Variants in ASIC2 observed in about 807,000 individuals in gnomAD.
ASIC2 encodes acid sensing ion channel subunit 2.
A neutral mutation model predicts 57.3 loss-of-function variants in ASIC2; 25 were observed. That is an observed-to-expected ratio of 0.44 (90% CI 0.32 to 0.61). The LOEUF is 0.61. Among genes scored for constraint, ASIC2 ranks in the 20% least tolerant of loss-of-function variants. ASIC2 has a pLI of 0.06. For missense variants in ASIC2, 641 were observed against 738.1 expected, an observed-to-expected ratio of 0.87 and a Z score of 1.52; for synonymous variants, 319 against 307.5, an observed-to-expected ratio of 1.04 and a Z score of -0.39.
chr17:33,429,871 G>A (rs1038910155), intron 1 of ASIC2, among the ~76,000 whole-genome samples: 4 of 152,170 alleles, frequency 2.6e-5, no homozygotes, highest in African/African-American at 9.7e-5. Context: ...ATGGCTAAGG[G>A]GGGTGGCCCA....
At chr17:33,146,189 C>G (rs184156854) in intron 1 of ASIC2, among the ~76,000 whole-genome samples, 1 of 152,100 alleles carries the variant, frequency 6.6e-6, no homozygotes, top group Non-Finnish European at 1.5e-5. Context: ...TGGAAGTCAG[C>G]AGAATGAGGA....
At chr17:33,125,398 C>A (rs995780338) in intron 1 of ASIC2, among the ~76,000 whole-genome samples, 1 of 152,226 alleles carries the variant, frequency 6.6e-6, no homozygotes, top group Non-Finnish European at 1.5e-5. Context: ...TCCTGGGAGA[C>A]TAGAATCCCA....
chr17:33,441,412 C>T (rs1428547487), intron 1 of ASIC2, among the ~76,000 whole-genome samples: 1 of 152,164 alleles, frequency 6.6e-6, no homozygotes, highest in African/African-American at 2.4e-5. Flanking sequence ...AAGATTTTCT[C>T]CCATAAAAAT....
chr17:33,841,486 A>C (rs1166863889), intron 1 of ASIC2, among the ~76,000 whole-genome samples: 1 of 152,228 alleles, frequency 6.6e-6, no homozygotes, highest in Non-Finnish European at 1.5e-5. Flanking sequence ...AATTACAATG[A>C]GTGCACATCC....
At chr17:34,155,219 G>A (rs184513980) in intron 1 of ASIC2, among the ~76,000 whole-genome samples, 5 of 152,120 alleles carry the variant, frequency 3.3e-5, no homozygotes, top group Admixed American at 6.5e-5. Context: ...CAAGGCAGCC[G>A]GGACTGGTTC....
chr17:33,464,685 CTCTATA>C (rs1197238417), intron 1 of ASIC2, among the ~76,000 whole-genome samples: 8 of 104,670 alleles, frequency 7.6e-5, no homozygotes, highest in African/African-American at 2.3e-4. Context: ...CTCTCTCTCT[CTCTATA>C]TATATATATA....
intron 1 of ASIC2, among the ~76,000 whole-genome samples, chr17:34,138,892 G>GA (rs1291838959): frequency 2.0e-5 from 3 of 152,202 alleles, no homozygotes; most frequent in African/African-American, 7.2e-5. Context: ...CCAATCCTCT[G>GA]AAAACCAGTA....
At chr17:34,039,891 C>A in intron 1 of ASIC2, 1 of 1,573,136 alleles carries the variant, frequency 6.4e-7, no homozygotes, top group Non-Finnish European at 8.7e-7. Flanking sequence ...CCGCCGCCGC[C>A]GCTGCCGCTC....
chr17:33,165,209 A>T (rs932091147), intron 1 of ASIC2, among the ~76,000 whole-genome samples: 2 of 152,278 alleles, frequency 1.3e-5, no homozygotes, highest in East Asian at 3.9e-4. Context: ...AATCCTGGTC[A>T]TGTCTGGCCC....
At chr17:33,819,232 A>G (rs1912678593) in intron 1 of ASIC2, among the ~76,000 whole-genome samples, 1 of 152,254 alleles carries the variant, frequency 6.6e-6, no homozygotes, top group Non-Finnish European at 1.5e-5. Context: ...CGTACAATTT[A>G]GTCAGAGGTC....
At position 33,291,577 on chromosome 17, in the gene ASIC2, G is replaced by C. The variant is rs769134070; in HGVS notation, c.539C>G (p.Pro180Arg). 1.2e-5 allele frequency: 19 copies of C among 1,609,984 alleles called. No individual in the cohort carries two copies. Among genetic ancestry groups the C allele is most frequent in the South Asian group, 9.9e-5 (9 of 90,968 alleles). Residue 180 changes from proline to arginine, a missense_variant, in exon 1 of 10, where the codon CCG becomes CGG. Pro to Arg is a moderately radical substitution (Grantham distance 103). Transcript: ENST00000225823. ...LVSELLRGDE[P>R]RRQWFRKLAD... ...CAGCTTGCGGAACCACTGGCGGCGC[G>C]GCTCGTCGCCCCGCAGCAGCTCGCT...
At chr17:33,560,192 C>A (rs9904241) in intron 1 of ASIC2, among the ~76,000 whole-genome samples, 1 of 151,998 alleles carries the variant, frequency 6.6e-6, no homozygotes, top group Non-Finnish European at 1.5e-5. Flanking sequence ...CAGGCAGAGG[C>A]AATCATCAAT....
chr17:33,610,599 C>T (rs1394345646), intron 1 of ASIC2, among the ~76,000 whole-genome samples: 1 of 152,022 alleles, frequency 6.6e-6, no homozygotes, highest in South Asian at 2.1e-4. Flanking sequence ...CAAATGATGC[C>T]TAGCCTGTCA....
At chr17:34,151,646 A>G (rs905263695) in intron 1 of ASIC2, among the ~76,000 whole-genome samples, 1 of 152,176 alleles carries the variant, frequency 6.6e-6, no homozygotes, top group Non-Finnish European at 1.5e-5. Context: ...AGCTTAATAT[A>G]TAATGAGAAT....
chr17:33,863,045 G>T (rs1914137973), intron 1 of ASIC2, among the ~76,000 whole-genome samples: 1 of 152,230 alleles, frequency 6.6e-6, no homozygotes, highest in Non-Finnish European at 1.5e-5. Flanking sequence ...GCCCTAGAGT[G>T]TTCAGGAGCG....
intron 1 of ASIC2, among the ~76,000 whole-genome samples, chr17:33,543,038 A>G (rs1915467153): frequency 6.6e-6 from 1 of 150,810 alleles, no homozygotes; most frequent in Admixed American, 6.6e-5. Flanking sequence ...TCGCAAGAAC[A>G]AAAAACCAAA....
chr17:33,474,201 T>C (rs1324632148), intron 1 of ASIC2, among the ~76,000 whole-genome samples: 1 of 152,162 alleles, frequency 6.6e-6, no homozygotes, highest in East Asian at 1.9e-4. Flanking sequence ...ACCCCATCTC[T>C]ACTAAAAATA....
chr17:33,013,806 G>C lies in ASIC2; in HGVS notation c.*159C>G. On this transcript the variant is annotated 3_prime_UTR_variant, in exon 10 of 10. Coordinates refer to ENST00000225823, the MANE Select transcript of ASIC2 (RefSeq NM_183377.2). ...CCCAAGGATGCGTCGTGTTGGACGT[G>C]GCCGGAGCGAGGTCTAGGCAGCTAG... 1 of 662,264 alleles carries C rather than the reference G, an allele frequency of 1.5e-6. No individual in the cohort carries two copies. Among genetic ancestry groups the C allele is most frequent in the Non-Finnish European group, 2.7e-6 (1 of 371,682 alleles). 41.0% of individuals were successfully genotyped at this position (662,264 alleles called of 1,614,324 possible). A position where few individuals can be genotyped will look rare whatever the true frequency, so the allele number is the denominator to read the frequency against.
Position 33,579,439 on chromosome 17 carries a change from T to A in ASIC2, c.556-467372A>T, listed in dbSNP as rs1243369502. Among the ~76,000 whole-genome samples, 3 of 152,104 alleles carry A rather than the reference T, an allele frequency of 2.0e-5. No individual in the cohort carries two copies. In the East Asian group the frequency reaches 5.8e-4, roughly 29 times the overall value. On this transcript the variant is annotated intron_variant, in intron 1 of 9. Coordinates refer to the ASIC2 transcript ENST00000359872. Reference sequence around the variant, plus strand: ...AAAACAAGGAGATATAGACTAGGGCTGCGGGGTACCCATCCAGTTTATTCA... The same window carrying A: ...AAAACAAGGAGATATAGACTAGGGCAGCGGGGTACCCATCCAGTTTATTCA...
Sources: allele counts gnomAD v4.1 joint callset (sites outside exome capture counted in the v4.1 genomes callset), GRCh38; gene constraint gnomAD v4.1.1; transcripts MANE v1.5; gene names NCBI Gene and HGNC (gene_info 2026-07-23, HGNC 2026-07-21).